The following MACROD2 variants were observed in gnomAD, a reference collection of about 807,000 sequenced individuals.
MACROD2 encodes mono-ADP ribosylhydrolase 2, also known as ADP-ribose glycohydrolase MACROD2.
A neutral mutation model predicts 70.4 loss-of-function variants in MACROD2; 36 were observed. The observed-to-expected ratio is 0.51, with a 90% CI of 0.39 to 0.68. The LOEUF is 0.68. Ranked by LOEUF, MACROD2 falls within the 30% of genes least tolerant of loss-of-function variation. MACROD2 has a pLI of 0.00. For missense variants in MACROD2, 496 were observed against 538.4 expected (o/e 0.92, Z 0.78); for synonymous variants, 172 against 178.8 (o/e 0.96, Z 0.30).
intron 3 of MACROD2, among the ~76,000 whole-genome samples, chr20:14,347,503 C>A (rs192792137): frequency 5.1e-4 from 77 of 152,068 alleles, no homozygotes; most frequent in Middle Eastern, 6.8e-3. Context: ...ATAGTAAAAT[C>A]TGATTGTACA....
chr20:14,257,398 CT>C (rs1188643867), intron 3 of MACROD2, among the ~76,000 whole-genome samples: 2 of 151,676 alleles, frequency 1.3e-5, no homozygotes, highest in Non-Finnish European at 2.9e-5. Flanking sequence ...AGTTTTTTAC[CT>C]TCATTTTAAA....
intron 3 of MACROD2, among the ~76,000 whole-genome samples, chr20:14,452,823 A>G (rs1456119949): frequency 6.6e-6 from 1 of 152,066 alleles, no homozygotes; most frequent in Non-Finnish European, 1.5e-5. Context: ...TACTTTGGCC[A>G]TTTTTGCCTT....
chr20:15,427,281 A>T (rs1237174003), intron 6 of MACROD2, among the ~76,000 whole-genome samples: 1 of 152,198 alleles, frequency 6.6e-6, no homozygotes, highest in East Asian at 1.9e-4. Flanking sequence ...TAAAACAGAC[A>T]AGGCAGTTGG....
intron 8 of MACROD2, among the ~76,000 whole-genome samples, chr20:15,518,620 T>C (rs911775592): frequency 6.6e-6 from 1 of 151,932 alleles, no homozygotes; most frequent in African/African-American, 2.4e-5. Flanking sequence ...GAAGAAGAGA[T>C]TGAAGAAGAG....
At chr20:14,272,902 A>G (rs1215537247) in intron 3 of MACROD2, among the ~76,000 whole-genome samples, 2 of 152,132 alleles carry the variant, frequency 1.3e-5, no homozygotes, top group African/African-American at 4.8e-5. Flanking sequence ...AAGGAAGGCC[A>G]TTACATAATG....
At chr20:15,245,118 A>T (rs2077094263) in intron 6 of MACROD2, among the ~76,000 whole-genome samples, 1 of 152,254 alleles carries the variant, frequency 6.6e-6, no homozygotes, top group Admixed American at 6.5e-5. Flanking sequence ...TGAAATGGAT[A>T]ATTCCATATT....
intron 8 of MACROD2, among the ~76,000 whole-genome samples, chr20:15,841,383 T>A (rs2064168709): frequency 6.6e-6 from 1 of 152,082 alleles, no homozygotes; most frequent in Admixed American, 6.6e-5. Flanking sequence ...AGAAAAGAGG[T>A]TTACTTGGCT....
intron 8 of MACROD2, among the ~76,000 whole-genome samples, chr20:15,780,464 G>C (rs764847676): frequency 6.6e-6 from 1 of 152,110 alleles, no homozygotes; most frequent in Non-Finnish European, 1.5e-5. Context: ...TGGGGAACGG[G>C]AAGAGGCCCA....
intron 8 of MACROD2, among the ~76,000 whole-genome samples, chr20:15,653,228 C>T (rs2049673119): frequency 6.6e-6 from 1 of 152,186 alleles, no homozygotes; most frequent in Non-Finnish European, 1.5e-5. Context: ...TTTATTTGTG[C>T]ACATAAATTG....
At chr20:14,015,441 G>A (rs2148620160) in intron 2 of MACROD2, among the ~76,000 whole-genome samples, 1 of 152,264 alleles carries the variant, frequency 6.6e-6, no homozygotes, top group South Asian at 2.1e-4. Flanking sequence ...AAAAAAACTG[G>A]TGGTGTGCAC....
chr20:14,582,189 G>A (rs186574487), intron 4 of MACROD2, among the ~76,000 whole-genome samples: 37 of 152,092 alleles, frequency 2.4e-4, no homozygotes, highest in African/African-American at 8.2e-4. Flanking sequence ...AGCTAAGACA[G>A]TATGAAAGAG....
At chr20:15,522,898 C>G (rs1233775) in intron 8 of MACROD2, among the ~76,000 whole-genome samples, 1 of 151,984 alleles carries the variant, frequency 6.6e-6, no homozygotes, top group Non-Finnish European at 1.5e-5. Flanking sequence ...GTGAAAATGA[C>G]AGTATGACAC....
intron 8 of MACROD2, among the ~76,000 whole-genome samples, chr20:15,558,911 C>T (rs1035909626): frequency 1.3e-5 from 2 of 152,146 alleles, no homozygotes; most frequent in Admixed American, 6.5e-5. Context: ...TATTGCAAAA[C>T]TCTGACTGAA....
chr20:15,598,343 C>A (rs1568919797), intron 8 of MACROD2, among the ~76,000 whole-genome samples: 1 of 152,060 alleles, frequency 6.6e-6, no homozygotes, highest in Non-Finnish European at 1.5e-5. Context: ...TTTTAAGAAG[C>A]AGGGAAGAAT....
chr20:14,751,789 G>T (rs1001658836), intron 5 of MACROD2, among the ~76,000 whole-genome samples: 5 of 152,008 alleles, frequency 3.3e-5, no homozygotes, highest in African/African-American at 9.7e-5. Flanking sequence ...TTGAACAAAA[G>T]AAACTATACT....
intron 5 of MACROD2, among the ~76,000 whole-genome samples, chr20:14,689,135 G>A (rs1208679055): frequency 6.6e-6 from 1 of 152,006 alleles, no homozygotes; most frequent in Non-Finnish European, 1.5e-5. Flanking sequence ...TCCTTCTGCT[G>A]GATTTCTATT....
chr20:14,420,449 T>A (rs879364592), intron 3 of MACROD2, among the ~76,000 whole-genome samples: 1 of 152,166 alleles, frequency 6.6e-6, no homozygotes, highest in African/African-American at 2.4e-5. Context: ...GAAATTTTTA[T>A]TTGCATTTCA....
chr20:14,974,395 G>A (rs892294796), intron 5 of MACROD2, among the ~76,000 whole-genome samples: 2 of 152,166 alleles, frequency 1.3e-5, no homozygotes, highest in African/African-American at 2.4e-5. Flanking sequence ...AATGGGTGGA[G>A]TATGTCACGG....
intron 4 of MACROD2, among the ~76,000 whole-genome samples, chr20:14,667,081 C>A (rs1351409351): frequency 6.6e-6 from 1 of 151,994 alleles, no homozygotes; most frequent in Non-Finnish European, 1.5e-5. Flanking sequence ...CAGCCTGATA[C>A]CTGGAAAAAT....
Sources: gnomAD v4.1 joint callset for allele counts (sites outside exome capture counted in the v4.1 genomes callset) on GRCh38, gnomAD v4.1.1 for gene constraint, MANE v1.5 for transcripts, NCBI Gene and HGNC (gene_info 2026-07-23, HGNC 2026-07-21) for gene names.